Variants in CMSS1 observed in about 807,000 individuals in gnomAD.
The protein encoded by CMSS1 is protein CMSS1.
In CMSS1, 33 loss-of-function variants were observed where a neutral mutation model predicts 43.5. The observed-to-expected ratio is 0.76, with a 90% CI of 0.57 to 1.01. The LOEUF (loss-of-function observed/expected upper bound fraction) is 1.01. Among genes scored for constraint, CMSS1 ranks in the 50% least tolerant of loss-of-function variants. The pLI is 0.00. For synonymous variants in CMSS1, 115 were observed against 117.2 expected, an observed-to-expected ratio of 0.98 and a Z score of 0.12; for missense variants, 313 against 326.4, an observed-to-expected ratio of 0.96 and a Z score of 0.32.
At chr3:99,857,933 A>G (rs1944051751) in intron 1 of CMSS1, among the ~76,000 whole-genome samples, 1 of 152,214 alleles carries the variant, frequency 6.6e-6, no homozygotes, top group Admixed American at 6.5e-5. Context: ...TACTAAGGCT[A>G]TCCTGAGATG....
chr3:99,843,802 G>A (rs937563798), intron 1 of CMSS1, among the ~76,000 whole-genome samples: 4 of 152,144 alleles, frequency 2.6e-5, no homozygotes, highest in Non-Finnish European at 4.4e-5. Context: ...CAGAAGGTGA[G>A]TGGCAGGCAA....
At chr3:100,117,616 G>C (rs1318023965) in intron 1 of CMSS1, among the ~76,000 whole-genome samples, 1 of 151,748 alleles carries the variant, frequency 6.6e-6, no homozygotes, top group Non-Finnish European at 1.5e-5. Flanking sequence ...ATGGAGATAT[G>C]CTGTAATTAT....
chr3:99,929,653 A>G (rs552839957), intron 1 of CMSS1, among the ~76,000 whole-genome samples: 3 of 152,282 alleles, frequency 2.0e-5, no homozygotes, highest in African/African-American at 7.2e-5. Flanking sequence ...GATTCAAGCA[A>G]CAAACCTAGT....
At position 99,930,740 on chromosome 3, in the gene CMSS1, A is replaced by G. The variant is rs115459205; in HGVS notation, c.64+112697A>G. ...TCACAAGCAGCCTTCTGTTTGAAGC[A>G]TGATGGGGATAACTCCAACCCAGCT... On this transcript the variant is annotated intron_variant, in intron 1 of 9. Transcript: ENST00000421999. The G allele has an allele frequency of 1.8e-3, 2,951 of 1,608,448 alleles. 61 individuals carry two copies. The African/African-American group carries it at 0.035, about 19-fold the overall frequency.
intron 1 of CMSS1, chr3:100,109,903 A>ACCGC (rs1491348077): frequency 1.5e-3 from 109 of 72,360 alleles, no homozygotes; most frequent in African/African-American, 5.7e-3. Context: ...TTCTTTTATG[A>ACCGC]CCCCCCCCCC....
intron 1 of CMSS1, among the ~76,000 whole-genome samples, chr3:100,115,575 GTCTCTC>G (rs66793218): frequency 0.071 from 6,867 of 97,252 alleles, 182 homozygotes; most frequent in Non-Finnish European, 0.075. Flanking sequence ...CTCTCTCTCT[GTCTCTC>G]TCTCTCTCTC....
intron 1 of CMSS1, among the ~76,000 whole-genome samples, chr3:99,998,649 G>A (rs1440869772): frequency 1.3e-5 from 2 of 151,988 alleles, no homozygotes; most frequent in African/African-American, 2.4e-5. Flanking sequence ...TGCAAGCTCC[G>A]CCTCCCGGGT....
chr3:99,872,499 A>G (rs372720276), intron 1 of CMSS1, among the ~76,000 whole-genome samples: 4 of 151,900 alleles, frequency 2.6e-5, no homozygotes, highest in African/African-American at 4.8e-5. Flanking sequence ...GAGTTGAGGT[A>G]TGTCTGCATC....
At chr3:100,066,994 A>G (rs2107360644) in intron 1 of CMSS1, among the ~76,000 whole-genome samples, 1 of 152,284 alleles carries the variant, frequency 6.6e-6, no homozygotes, top group Admixed American at 6.5e-5. Flanking sequence ...TGTGTCCCAT[A>G]CACATATTGA....
intron 1 of CMSS1, among the ~76,000 whole-genome samples, chr3:99,893,259 G>A (rs1260760810): frequency 6.1e-5 from 9 of 147,178 alleles, no homozygotes; most frequent in African/African-American, 1.3e-4. Context: ...TCCGCCTCCC[G>A]GGTTCACGCC....
At chr3:99,850,350 G>A in intron 1 of CMSS1, 1 of 1,613,108 alleles carries the variant, frequency 6.2e-7, no homozygotes, top group Non-Finnish European at 8.5e-7. Context: ...ATTTCAGAGA[G>A]TAGCATTCTT....
chr3:100,124,123 CTGTA>C (rs1035630646), intron 1 of CMSS1, among the ~76,000 whole-genome samples: 4 of 152,136 alleles, frequency 2.6e-5, no homozygotes, highest in Non-Finnish European at 5.9e-5. Context: ...ATAAAAGGTG[CTGTA>C]TACATACAAA....
chr3:99,977,657 A>C (rs1265089966), intron 1 of CMSS1, among the ~76,000 whole-genome samples: 1 of 152,228 alleles, frequency 6.6e-6, no homozygotes, highest in African/African-American at 2.4e-5. Flanking sequence ...TAGTACAAAC[A>C]GTATAATATC....
intron 1 of CMSS1, chr3:100,023,315 ACAGAGC>A (rs2107236361): frequency 6.5e-6 from 1 of 152,740 alleles, no homozygotes; most frequent in South Asian, 2.1e-4. Context: ...TTTTATGCAA[ACAGAGC>A]CTGGCTCTCA....
chr3:100,038,427 A>T (rs1332120946), intron 1 of CMSS1, among the ~76,000 whole-genome samples: 1 of 152,156 alleles, frequency 6.6e-6, no homozygotes, highest in East Asian at 1.9e-4. Flanking sequence ...TTCTTTTTTC[A>T]CCATTTTTTT....
At chr3:99,829,005 C>A (rs1184034875) in intron 1 of CMSS1, among the ~76,000 whole-genome samples, 2 of 151,644 alleles carry the variant, frequency 1.3e-5, no homozygotes, top group Non-Finnish European at 2.9e-5. Flanking sequence ...CCTTCTCCTC[C>A]TTGAAATTGC....
intron 1 of CMSS1, among the ~76,000 whole-genome samples, chr3:100,105,597 A>G (rs942421698): frequency 2.6e-5 from 4 of 152,208 alleles, no homozygotes; most frequent in African/African-American, 7.2e-5. Flanking sequence ...CAGAATTGAT[A>G]AGGTATTTCC....
intron 6 of CMSS1, 130 bp from the exon 7 acceptor site, chr3:100,171,709 A>G: frequency 2.9e-6 from 2 of 687,904 alleles, no homozygotes; most frequent in South Asian, 1.9e-5. Context: ...CAGAATTTGT[A>G]TGTACATATG....
intron 1 of CMSS1, among the ~76,000 whole-genome samples, chr3:100,112,174 A>G (rs539411245): frequency 2.6e-5 from 4 of 152,238 alleles, no homozygotes; most frequent in Non-Finnish European, 5.9e-5. Context: ...TTCTACTCTA[A>G]GGAAAATAAA....
Sources: allele counts gnomAD v4.1 joint callset (sites outside exome capture counted in the v4.1 genomes callset), GRCh38; gene constraint gnomAD v4.1.1; transcripts MANE v1.5; gene names NCBI Gene and HGNC (gene_info 2026-07-23, HGNC 2026-07-21).